The following LCT variants were observed in gnomAD, a reference collection of about 807,000 sequenced individuals.
LCT encodes the protein lactase/phlorizin hydrolase.
A neutral mutation model predicts 173.0 loss-of-function variants in LCT; 90 were observed. That is an observed-to-expected ratio of 0.52 (90% confidence interval 0.44 to 0.62). The LOEUF (loss-of-function observed/expected upper bound fraction) is 0.62, where lower values mean the gene tolerates loss of function less well. Among genes scored for constraint, LCT ranks in the 20% least tolerant of loss-of-function variants. The pLI is 0.00. For missense variants in LCT, 1,864 were observed against 2,431.4 expected (o/e 0.77, Z 4.91); for synonymous variants, 853 against 957.6 (o/e 0.89, Z 2.02).
chr2:135,812,129 G>T (rs1054664584), intron 7 of LCT, among the ~76,000 whole-genome samples, 182 bp downstream of exon 7: 1 of 152,168 alleles, frequency 6.6e-6, no homozygotes, highest in African/African-American at 2.4e-5. Flanking sequence ...GAGCAAAGAC[G>T]TGAATGACAT....
chr2:135,826,670 C>T (rs376836619), intron 3 of LCT, among the ~76,000 whole-genome samples: 2 of 152,196 alleles, frequency 1.3e-5, no homozygotes, highest in African/African-American at 4.8e-5. Flanking sequence ...ACGCCACCTC[C>T]GCACAACAGA....
At chr2:135,789,210 T>A (rs2077515459) in intron 16 of LCT, among the ~76,000 whole-genome samples, 1 of 152,240 alleles carries the variant, frequency 6.6e-6, no homozygotes, top group Non-Finnish European at 1.5e-5. Flanking sequence ...GGCACCCACA[T>A]GGTGCAGGCA....
intron 14 of LCT, among the ~76,000 whole-genome samples, chr2:135,791,277 A>C (rs2077531408): frequency 1.3e-5 from 2 of 152,242 alleles, no homozygotes; most frequent in Admixed American, 1.3e-4. Context: ...GGCTCCCCCA[A>C]GTCACCCATG....
At position 135,788,416 on chromosome 2, in the gene LCT, A is replaced by G; in HGVS notation, c.5692T>C (p.Leu1898=). 7 of 1,614,152 alleles carry G rather than the reference A, an allele frequency of 4.3e-6. No homozygotes were observed. The highest frequency in any genetic ancestry group is 5.9e-6 in the Non-Finnish European group (7 of 1,179,998). ...CAGTACTTGTATGACAGAAATGCCA[A>G]GCCACAGACTCCAAGAAGCACAAGA... The part of the protein sequence containing the change: ...FSLVLLGVCG[L]AFLSYKYCKR... The change falls in exon 17 of 17, where the codon TTG becomes CTG. Residue 1898 remains leucine, a synonymous_variant. Transcript: ENST00000264162.
At chr2:135,805,706 T>C (rs539058587) in intron 9 of LCT, among the ~76,000 whole-genome samples, 5 of 152,278 alleles carry the variant, frequency 3.3e-5, no homozygotes, top group Non-Finnish European at 1.5e-5. Context: ...TAGAACAGTG[T>C]TTTGGTCAAT....
Position 135,789,698 on chromosome 2 carries a change from A to G in LCT, c.5436T>C (p.Phe1812=). ...TGFSERFGLH[F]VNYSDPSLPR... ...GCAGAGAAGGGTCACTGTAGTTCAC[A>G]AAATGCAGACCAAATCTCTCTGAAA... Residue 1812 remains phenylalanine (F), a synonymous_variant, in exon 16 of 17, where the codon TTT becomes TTC. Coordinates refer to ENST00000264162, the MANE Select transcript of LCT (RefSeq NM_002299.4). The G allele has an allele frequency of 6.2e-7, 1 of 1,614,222 alleles. No homozygotes were observed. The highest frequency in any genetic ancestry group is 8.5e-7 in the Non-Finnish European group (1 of 1,180,022).
At chr2:135,814,067 C>T (rs1160279727) in intron 6 of LCT, among the ~76,000 whole-genome samples, 2 of 152,200 alleles carry the variant, frequency 1.3e-5, no homozygotes, top group African/African-American at 4.8e-5. Flanking sequence ...TGATTAAATA[C>T]GTGTATATAA....
intron 2 of LCT, among the ~76,000 whole-genome samples, chr2:135,831,068 A>G (rs1379025783): frequency 6.6e-6 from 1 of 152,144 alleles, no homozygotes; most frequent in Non-Finnish European, 1.5e-5. Flanking sequence ...GTCCCACCAC[A>G]TTAAGTCTTG....
chr2:135,829,576 A>G lies in LCT; in HGVS notation c.804+17T>C. The G allele has an allele frequency of 6.3e-7, 1 of 1,593,700 alleles. No homozygotes were observed. Among genetic ancestry groups the G allele is most frequent in the Non-Finnish European group, 8.6e-7 (1 of 1,161,534 alleles). On this transcript the variant is annotated intron_variant, in intron 3 of 16. Coordinates refer to ENST00000264162, the MANE Select transcript of LCT (RefSeq NM_002299.4). ...TTCGCTGCATTCATCATTAATGTGGAAAAGGGCTCAAATTACCTGCAATTT... is the reference window on the plus strand; with the variant it reads ...TTCGCTGCATTCATCATTAATGTGGGAAAGGGCTCAAATTACCTGCAATTT...
At position 135,829,670 on chromosome 2, in the gene LCT, C is replaced by A; in HGVS notation, c.727G>T (p.Val243Phe). 1 of 1,610,942 alleles carries A rather than the reference C, an allele frequency of 6.2e-7. No individual in the cohort carries two copies. The highest frequency in any genetic ancestry group is 8.5e-7 in the Non-Finnish European group (1 of 1,177,148). ...GACAAATCAAGAGAGAGGAAATCGA[C>A]CGTGTCCTGAAAATAGTAGTTAAAT... ...PPISALAQDT[V>F]DFLSLDLSYE... The change falls in exon 3 of 17, where the codon GTC becomes TTC. Residue 243 changes from valine (V) to phenylalanine (F), a missense_variant. Physicochemically the swap from Val to Phe is conservative, Grantham distance 50. Transcript: ENST00000264162.
intron 4 of LCT, chr2:135,823,065 A>G (rs917568208): frequency 6.6e-6 from 1 of 152,400 alleles, no homozygotes; most frequent in African/African-American, 2.4e-5. Context: ...CAGAACCATG[A>G]GCTAAATAAA....
At position 135,809,780 on chromosome 2, in the gene LCT, A is replaced by G. The variant is rs2077718416; in HGVS notation, c.2567T>C (p.Leu856Pro). 1.2e-6 allele frequency: 2 copies of G among 1,614,222 alleles called. No individual in the cohort carries two copies. Among genetic ancestry groups the G allele is most frequent in the Non-Finnish European group, 1.7e-6 (2 of 1,180,028 alleles). Residue 856 changes from leucine (L) to proline (P), a missense_variant, in exon 8 of 17, where the codon CTA (leucine) becomes CCA (proline). Physicochemically the swap from Leu to Pro is moderately conservative, Grantham distance 98 (BLOSUM62 -3). Around this residue, in one of 4 missense-constraint regions of LCT, gnomAD observed 755 missense variants for 926.3 expected, o/e 0.82. Coordinates refer to ENST00000264162, the MANE Select transcript of LCT (RefSeq NM_002299.4). The surrounding 1 kb of genome is among the most constrained non-coding windows in gnomAD (Gnocchi z 5.5). ...GFLTKGAKRL[L>P]PPNTVNLPSK... Reference sequence around the variant, plus strand: ...GGGGAGGTTTACTGTATTAGGTGGTAGCAGTCTTTTTGCCCCCTTGGTGAG... The same window carrying G: ...GGGGAGGTTTACTGTATTAGGTGGTGGCAGTCTTTTTGCCCCCTTGGTGAG...
In LCT at chr2:135,804,095, G is replaced by T; in HGVS notation, c.4498C>A (p.Leu1500Ile). The change falls in exon 11 of 17, where the codon CTC (leucine) becomes ATC (isoleucine). Residue 1500 changes from leucine to isoleucine, a missense_variant. Physicochemically the swap from Leu to Ile is conservative, Grantham distance 5 (BLOSUM62 2). Transcript: ENST00000264162. Reference protein sequence around the residue: ...TIYHWDLPQTLQDVGGWENET... With the variant: ...TIYHWDLPQTIQDVGGWENET... ...TTCTCCCAGCCTCCTACATCTTGGA[G>T]CGTCTGTGGTAGGTCCCAGTGGTAA... 1.2e-6 allele frequency: 2 copies of T among 1,614,122 alleles called. No individual in the cohort carries two copies. Among genetic ancestry groups the T allele is most frequent in the South Asian group, 2.2e-5 (2 of 91,078 alleles).
intron 7 of LCT, among the ~76,000 whole-genome samples, chr2:135,810,752 CGTG>C (rs1464903880): frequency 2.3e-4 from 34 of 145,696 alleles, no homozygotes; most frequent in Non-Finnish European, 4.6e-4. Flanking sequence ...TGTGGCCAGG[CGTG>C]GTGGCTCACG....
Position 135,789,564 on chromosome 2 carries a change from A to ATC in LCT, c.5563+5_5563+6dup. ...AGGCTTTATTCCCTCCCAGAGCCAC[A>ATC]TCTCACCTGGCTGGTGGAGACAAGC... is the stretch of plus-strand genomic sequence containing the variant. On this transcript the variant is annotated splice_region_variant and intron_variant, in intron 16 of 16. Coordinates refer to ENST00000264162, the MANE Select transcript of LCT (RefSeq NM_002299.4). 6.2e-7 allele frequency: 1 copy of ATC among 1,607,716 alleles called. No individual in the cohort carries two copies. Among genetic ancestry groups the ATC allele is most frequent in the Non-Finnish European group, 8.5e-7 (1 of 1,174,674 alleles).
intron 11 of LCT, among the ~76,000 whole-genome samples, chr2:135,801,462 C>T (rs1372259490): frequency 6.6e-6 from 1 of 152,138 alleles, no homozygotes; most frequent in South Asian, 2.1e-4. Flanking sequence ...CACCCATAAT[C>T]CCAGCACTTT....
intron 6 of LCT, among the ~76,000 whole-genome samples, chr2:135,814,519 A>G (rs1575341969): frequency 6.6e-6 from 1 of 150,502 alleles, no homozygotes; most frequent in South Asian, 2.1e-4. Context: ...ATAATAAAAT[A>G]CCTTTTTTTT....
At chr2:135,797,626 GC>G (rs2077593196) in intron 13 of LCT, among the ~76,000 whole-genome samples, 1 of 152,194 alleles carries the variant, frequency 6.6e-6, no homozygotes, top group Non-Finnish European at 1.5e-5. Context: ...ACAAGAAGGG[GC>G]GGGCGGGTAA....
chr2:135,812,323 C>T lies in LCT; in HGVS notation c.2341G>A (p.Glu781Lys). Residue 781 changes from glutamate to lysine, a missense_variant, in exon 7 of 17, where the codon GAG becomes AAG. Physicochemically the swap from Glu to Lys is moderately conservative, Grantham distance 56. Around this residue, in one of 4 missense-constraint regions of LCT, gnomAD observed 755 missense variants for 926.3 expected, o/e 0.82. Transcript: ENST00000264162. ...RVDYFNQYIN[E>K]VLKAIKEDSV... ...CCATTGTTCTTACCCTTGAGCACCT[C>T]ATTGATATATTGATTGAAGTAGTCT... 1 of 1,613,628 alleles carries T rather than the reference C, an allele frequency of 6.2e-7. No individual in the cohort carries two copies. Among genetic ancestry groups the T allele is most frequent in the Non-Finnish European group, 8.5e-7 (1 of 1,179,490 alleles).
Sources: allele counts gnomAD v4.1 joint callset (sites outside exome capture counted in the v4.1 genomes callset), GRCh38; gene constraint gnomAD v4.1.1; regional missense constraint gnomAD v4.1.1; non-coding constraint Gnocchi (gnomAD v3.1); transcripts MANE v1.5; gene names NCBI Gene and HGNC (gene_info 2026-07-23, HGNC 2026-07-21).